MGAT4C: variants seen among roughly 807,000 people sequenced by gnomAD.
MGAT4C encodes the protein alpha-1,3-mannosyl-glycoprotein 4-beta-N-acetylglucosaminyltransferase C.
Under a neutral mutation model 40.1 loss-of-function variants are expected in MGAT4C, and 19 were observed. The observed-to-expected ratio is 0.47, with a 90% confidence interval of 0.33 to 0.70. The LOEUF (loss-of-function observed/expected upper bound fraction) is 0.70, where lower values mean the gene tolerates loss of function less well. Among genes scored for constraint, MGAT4C ranks in the 30% least tolerant of loss-of-function variants. The pLI, the probability that MGAT4C is intolerant of heterozygous loss-of-function variation, is 0.02. For synonymous variants in MGAT4C, 181 were observed against 187.1 expected, an observed-to-expected ratio of 0.97 and a Z score of 0.27; for missense variants, 491 against 563.2, an observed-to-expected ratio of 0.87 and a Z score of 1.30.
intron 1 of MGAT4C, among the ~76,000 whole-genome samples, chr12:86,131,145 G>A (rs1266029180): frequency 1.3e-5 from 2 of 152,046 alleles, no homozygotes; most frequent in South Asian, 4.1e-4. Context: ...CTTTGGACAA[G>A]TAATTTATTC....
chr12:86,073,667 T>A (rs1017330696), intron 1 of MGAT4C, among the ~76,000 whole-genome samples: 2 of 151,952 alleles, frequency 1.3e-5, no homozygotes, highest in African/African-American at 4.8e-5. Flanking sequence ...TGGACTTGCA[T>A]GGGCCCTGTA....
At chr12:86,317,260 G>A (rs1398682136) in intron 4 of MGAT4C, among the ~76,000 whole-genome samples, 4 of 152,038 alleles carry the variant, frequency 2.6e-5, no homozygotes, top group Non-Finnish European at 5.9e-5. Context: ...CAGAGGCTGT[G>A]TGTTAGAAGG....
chr12:86,800,797 T>C (rs1952211939), intron 1 of MGAT4C, among the ~76,000 whole-genome samples: 1 of 151,890 alleles, frequency 6.6e-6, no homozygotes, highest in Admixed American at 6.6e-5. Context: ...CAAAATTTTG[T>C]CAGGCTTTCT....
At chr12:86,719,596 G>C (rs1296683198) in intron 2 of MGAT4C, among the ~76,000 whole-genome samples, 2 of 152,024 alleles carry the variant, frequency 1.3e-5, no homozygotes, top group Admixed American at 1.3e-4. Flanking sequence ...ATACCTCTTT[G>C]GTCTGCCTTC....
At chr12:86,521,721 C>A (rs1315638643) in intron 2 of MGAT4C, among the ~76,000 whole-genome samples, 1 of 151,854 alleles carries the variant, frequency 6.6e-6, no homozygotes, top group Non-Finnish European at 1.5e-5. Context: ...AACATTGATT[C>A]TTCCTATTCA....
intron 2 of MGAT4C, among the ~76,000 whole-genome samples, chr12:86,531,895 T>C (rs920938908): frequency 6.6e-5 from 10 of 151,962 alleles, no homozygotes; most frequent in African/African-American, 2.4e-4. Flanking sequence ...CCCTAGTATA[T>C]TGGCATGCTA....
intron 1 of MGAT4C, among the ~76,000 whole-genome samples, chr12:86,155,637 A>G (rs1884841175): frequency 6.6e-6 from 1 of 152,296 alleles, no homozygotes; most frequent in Non-Finnish European, 1.5e-5. Flanking sequence ...GTGTTTCAGA[A>G]ATGTTACAAC....
intron 2 of MGAT4C, among the ~76,000 whole-genome samples, chr12:86,473,538 GA>G (rs1957785557): frequency 6.6e-6 from 1 of 152,132 alleles, no homozygotes; most frequent in Non-Finnish European, 1.5e-5. Context: ...CCTGTCATAA[GA>G]AAAGAGACAC....
At chr12:86,489,372 C>A (rs61950775) in intron 2 of MGAT4C, among the ~76,000 whole-genome samples, 14,993 of 152,168 alleles carry the variant, frequency 0.099, 995 homozygotes, top group Middle Eastern at 0.25. Context: ...GGACATGCGA[C>A]CTCTGAGAGA....
At chr12:86,332,389 TTTC>T (rs919053184) in intron 4 of MGAT4C, among the ~76,000 whole-genome samples, 1 of 151,974 alleles carries the variant, frequency 6.6e-6, no homozygotes, top group African/African-American at 2.4e-5. Context: ...CGGATTTTTT[TTTC>T]TTTTTTTGGT....
chr12:85,994,383 A>C (rs1886357172), intron 2 of MGAT4C, among the ~76,000 whole-genome samples: 1 of 152,316 alleles, frequency 6.6e-6, no homozygotes, highest in East Asian at 1.9e-4. Flanking sequence ...TTTAATTTTC[A>C]TTTAATTGAG....
At chr12:86,290,051 C>CTT (rs34809462) in intron 4 of MGAT4C, among the ~76,000 whole-genome samples, 7 of 145,950 alleles carry the variant, frequency 4.8e-5, no homozygotes, top group African/African-American at 1.0e-4. Flanking sequence ...ATCTAAATCA[C>CTT]TTTTTTTTTT....
intron 1 of MGAT4C, among the ~76,000 whole-genome samples, chr12:86,140,369 C>G (rs1304708101): frequency 6.6e-6 from 1 of 152,058 alleles, no homozygotes; most frequent in Non-Finnish European, 1.5e-5. Context: ...AAGCTGGAAA[C>G]CATCATTCTC....
rs552344417 is a variant in MGAT4C at position 86,056,555 on chromosome 12, A to T, written c.-56-6832T>A. Among the ~76,000 whole-genome samples the T allele has an allele frequency of 2.0e-5, 3 of 152,316 alleles. No individual in the cohort carries two copies. The East Asian group carries it at 5.8e-4, about 29-fold the overall frequency. On this transcript the variant is annotated intron_variant, in intron 1 of 4. Coordinates refer to ENST00000611864, the MANE Select transcript of MGAT4C (RefSeq NM_001351288.2). Reference sequence around the variant, plus strand: ...AGCTGTATCTATGTCCCTGCAAAGCACATGAACTCATCCTTTTTTATGGCT... The same window carrying T: ...AGCTGTATCTATGTCCCTGCAAAGCTCATGAACTCATCCTTTTTTATGGCT...
chr12:85,966,227 T>G lies in MGAT4C; in HGVS notation c.*13062A>C, dbSNP rs1298060945. 2.6e-5 allele frequency: 4 copies of G among 152,300 alleles called. No homozygotes were observed. The East Asian group carries it at 7.7e-4, about 29-fold the overall frequency. 9.4% of individuals were successfully genotyped at this position (152,300 alleles called of 1,614,324 possible). ...TTCTACAACTTATTCTCATTTATGT[T>G]TATCTGATTTGGCCACAGTTTCTTA... On this transcript the variant is annotated 3_prime_UTR_variant, in exon 5 of 5. Coordinates refer to ENST00000611864, the MANE Select transcript of MGAT4C (RefSeq NM_001351288.2).
At chr12:86,553,119 A>T (rs1959447171) in intron 2 of MGAT4C, among the ~76,000 whole-genome samples, 1 of 152,122 alleles carries the variant, frequency 6.6e-6, no homozygotes, top group South Asian at 2.1e-4. Context: ...GCACATAATT[A>T]TCAAGCAAAT....
intron 2 of MGAT4C, among the ~76,000 whole-genome samples, chr12:86,020,298 T>C (rs1254104619): frequency 6.6e-6 from 1 of 152,136 alleles, no homozygotes; most frequent in Non-Finnish European, 1.5e-5. Context: ...TTCCAGTTTT[T>C]GCCCATTCAA....
At chr12:86,219,257 C>T (rs1481607243) in intron 1 of MGAT4C, among the ~76,000 whole-genome samples, 1 of 152,086 alleles carries the variant, frequency 6.6e-6, no homozygotes, top group African/African-American at 2.4e-5. Context: ...TTAATGGCTG[C>T]CTAATCCTTC....
chr12:85,988,199 A>T (rs1232977986), intron 3 of MGAT4C, among the ~76,000 whole-genome samples: 1 of 152,170 alleles, frequency 6.6e-6, no homozygotes, highest in Admixed American at 6.5e-5. Context: ...AAGGGTCCAC[A>T]ACATCAGAAT....
Sources: allele counts gnomAD v4.1 joint callset (sites outside exome capture counted in the v4.1 genomes callset), GRCh38; gene constraint gnomAD v4.1.1; transcripts MANE v1.5; gene names NCBI Gene and HGNC (gene_info 2026-07-23, HGNC 2026-07-21).